Variants in ZBTB10 observed in about 807,000 individuals in gnomAD.
The protein encoded by ZBTB10 is zinc finger and BTB domain containing 10.
Under a neutral mutation model 76.4 loss-of-function variants are expected in ZBTB10, and 32 were observed. That is an observed-to-expected ratio of 0.42 (90% CI 0.32 to 0.56). The LOEUF (loss-of-function observed/expected upper bound fraction) is 0.56. Among genes scored for constraint, ZBTB10 ranks in the 20% least tolerant of loss-of-function variants. The pLI is 0.14. For missense variants in ZBTB10, 1,057 were observed against 1,098.5 expected, an observed-to-expected ratio of 0.96 and a Z score of 0.53; for synonymous variants, 523 against 432.9, an observed-to-expected ratio of 1.21 and a Z score of -2.58.
chr8:80,514,902 C>G (rs1260331320), intron 3 of ZBTB10, among the ~76,000 whole-genome samples: 1 of 152,046 alleles, frequency 6.6e-6, no homozygotes, highest in African/African-American at 2.4e-5. Context: ...AAAGGAAAAC[C>G]CAGACATTGA....
chr8:80,490,815 AAC>A (rs1334228935), intron 1 of ZBTB10, among the ~76,000 whole-genome samples: 2 of 152,196 alleles, frequency 1.3e-5, no homozygotes, highest in Non-Finnish European at 2.9e-5. Flanking sequence ...GCCACATCTT[AAC>A]ACAGTCATGT....
At chr8:80,493,460 C>T (rs1225262595) in intron 1 of ZBTB10, among the ~76,000 whole-genome samples, 3 of 152,088 alleles carry the variant, frequency 2.0e-5, no homozygotes, top group African/African-American at 7.2e-5. Flanking sequence ...AATCTAGAGG[C>T]ACCTGCGTAG....
At chr8:80,491,663 T>C (rs1815634316) in intron 1 of ZBTB10, among the ~76,000 whole-genome samples, 1 of 152,194 alleles carries the variant, frequency 6.6e-6, no homozygotes, top group Non-Finnish European at 1.5e-5. Flanking sequence ...TAGTTTAATT[T>C]TGAGTAACAA....
upstream of ZBTB10, chr8:80,486,004 G>A (rs1196649148): frequency 4.4e-6 from 4 of 900,860 alleles, no homozygotes; most frequent in Admixed American, 1.2e-4. Context: ...CCCGCCGCCC[G>A]GCCTTTTGTC....
At position 80,524,676 on chromosome 8, in the gene ZBTB10, A is replaced by C. The variant is rs1271683138; in HGVS notation, c.*5148A>C. ...TAAAGGGGAGCCCACATAGCATTAT[A>C]ATGCCTAGTATCTTTAAACATGTAA... On this transcript the variant is annotated 3_prime_UTR_variant, in exon 6 of 6. Transcript: ENST00000455036. The C allele has an allele frequency of 2.6e-5, 4 of 152,094 alleles. No homozygotes were observed. Among genetic ancestry groups the C allele is most frequent in the Non-Finnish European group, 4.4e-5 (3 of 67,956 alleles). 9.4% of individuals were successfully genotyped at this position (152,094 alleles called of 1,614,324 possible).
chr8:80,486,564 G>T lies in ZBTB10; in HGVS notation c.-247G>T. On this transcript the variant is annotated 5_prime_UTR_variant, in exon 1 of 6. Coordinates refer to ENST00000455036, the MANE Select transcript of ZBTB10 (RefSeq NM_001105539.3). ...GACGCTGCCCGGAGCGCGGCGGGGC[G>T]GGGGTGGAGGACGAGAGAGCGGTCG... is the stretch of plus-strand genomic sequence containing the variant. 1 of 986,228 alleles carries T rather than the reference G, an allele frequency of 1.0e-6. No homozygotes were observed. The highest frequency in any genetic ancestry group is 6.1e-5 in the Admixed American group (1 of 16,308). The allele number at this position is 986,228 out of a possible 1,614,324, so 61.1% of individuals were successfully genotyped here. A position where few individuals can be genotyped will look rare whatever the true frequency, so the allele number is the denominator to read the frequency against.
intron 2 of ZBTB10, among the ~76,000 whole-genome samples, chr8:80,500,802 T>TAA (rs1378352187): frequency 2.0e-5 from 3 of 152,196 alleles, no homozygotes; most frequent in Non-Finnish European, 4.4e-5. Context: ...TGTTAAAACA[T>TAA]ATTTAAGTGT....
rs397891910 is a variant in ZBTB10 at position 80,497,683 on chromosome 8, C to CTTTTTTT, written c.973-1794_973-1788dup. ...AAACAGTTGAAGTGTGTCCTGGAAT[C>CTTTTTTT]TTTTTTTTTTTTTTTTTTTTTTTGA... On this transcript the variant is annotated intron_variant, in intron 1 of 5. Transcript: ENST00000455036. Among the ~76,000 whole-genome samples, 134 of 87,646 alleles carry CTTTTTTT rather than the reference C, an allele frequency of 1.5e-3. 2 individuals carry two copies. The highest frequency in any genetic ancestry group is 6.9e-3 in the Middle Eastern group (1 of 144). 57.5% of individuals were successfully genotyped at this position (87,646 alleles called of 152,430 possible). A position where few individuals can be genotyped will look rare whatever the true frequency, so the allele number is the denominator to read the frequency against.
At chr8:80,493,061 AAAAT>A (rs1410798698) in intron 1 of ZBTB10, among the ~76,000 whole-genome samples, 1 of 151,672 alleles carries the variant, frequency 6.6e-6, no homozygotes, top group Non-Finnish European at 1.5e-5. Context: ...TGAAAATACA[AAAAT>A]AAGCCAGGCG....
At chr8:80,506,163 A>G (rs1405248371) in intron 2 of ZBTB10, among the ~76,000 whole-genome samples, 3 of 151,978 alleles carry the variant, frequency 2.0e-5, no homozygotes, top group Non-Finnish European at 2.9e-5. Flanking sequence ...CAGCCTCCCT[A>G]ATGGGAAAGA....
Position 80,486,994 on chromosome 8 carries a change from G to C in ZBTB10, c.184G>C (p.Gly62Arg). The C allele has an allele frequency of 6.6e-7, 1 of 1,514,202 alleles. No homozygotes were observed. The highest frequency in any genetic ancestry group is 1.2e-5 in the South Asian group (1 of 81,984). The allele number at this position is 1,514,202 out of a possible 1,614,324, so 93.8% of individuals were successfully genotyped here. ...PPALQPPNGR[G>R]ADEEVELEGL... ...CGCGCTTCAGCCGCCTAATGGGCGGGGGGCCGACGAGGAAGTGGAATTGGA... is the reference window on the plus strand; with the variant it reads ...CGCGCTTCAGCCGCCTAATGGGCGGCGGGCCGACGAGGAAGTGGAATTGGA... Residue 62 changes from glycine to arginine, a missense_variant, in exon 1 of 6, where the codon GGG becomes CGG. By Grantham distance (125) the Gly-to-Arg change is moderately radical. This residue lies in a region of ZBTB10 where 556 missense variants were observed against 451.7 expected (regional missense o/e 1.23). Coordinates refer to ENST00000455036, the MANE Select transcript of ZBTB10 (RefSeq NM_001105539.3).
chr8:80,487,152 G>C lies in ZBTB10; in HGVS notation c.342G>C (p.Leu114=). 4 of 1,517,832 alleles carry C rather than the reference G, an allele frequency of 2.6e-6. No homozygotes were observed. Among genetic ancestry groups the C allele is most frequent in the South Asian group, 1.2e-5 (1 of 80,978 alleles). The allele number at this position is 1,517,832 out of a possible 1,614,324, so 94.0% of individuals were successfully genotyped here. Residue 114 remains leucine, a synonymous_variant, in exon 1 of 6, where the codon CTG becomes CTC. Transcript: ENST00000455036. ...TTGGCGGTGGCGCGGGGGGCCCCCTGCTAGCGGAAAGGAACCGTCGGACTC... is the reference window on the plus strand; with the variant it reads ...TTGGCGGTGGCGCGGGGGGCCCCCTCCTAGCGGAAAGGAACCGTCGGACTC... The part of the protein sequence containing the change: ...TSLGGGAGGP[L]LAERNRRTLA...
rs1816439669 is a variant in ZBTB10, at chr8:80,521,108, G to GT, written c.*1586dup. On this transcript the variant is annotated 3_prime_UTR_variant, in exon 6 of 6. Transcript: ENST00000455036. The stretch of plus-strand genomic sequence containing the variant: ...ATCTGATCAAAGTTGAAAAGTTGAT[G>GT]TTTTTTAAGAGACAAGCTTTATCAT... 6.6e-6 allele frequency: 1 copy of GT among 151,828 alleles called. No individual in the cohort carries two copies. Among genetic ancestry groups the GT allele is most frequent in the Non-Finnish European group, 1.5e-5 (1 of 67,794 alleles). 9.4% of individuals were successfully genotyped at this position (151,828 alleles called of 1,614,324 possible).
chr8:80,523,741 T>C lies in ZBTB10; in HGVS notation c.*4213T>C, dbSNP rs1198119821. ...TTTCTAGCCCTAAATTTTATGACATTGGGTACTTAAATTTGGAGTACACTA... is the reference window on the plus strand; with the variant it reads ...TTTCTAGCCCTAAATTTTATGACATCGGGTACTTAAATTTGGAGTACACTA... On this transcript the variant is annotated 3_prime_UTR_variant, in exon 6 of 6. Coordinates refer to ENST00000455036, the MANE Select transcript of ZBTB10 (RefSeq NM_001105539.3). The C allele has an allele frequency of 6.6e-6, 1 of 151,964 alleles. No homozygotes were observed. Among genetic ancestry groups the C allele is most frequent in the Non-Finnish European group, 1.5e-5 (1 of 67,868 alleles). 9.4% of individuals were successfully genotyped at this position (151,964 alleles called of 1,614,324 possible).
intron 1 of ZBTB10, among the ~76,000 whole-genome samples, chr8:80,495,823 A>T (rs1815769200): frequency 6.6e-6 from 1 of 152,212 alleles, no homozygotes; most frequent in African/African-American, 2.4e-5. Flanking sequence ...ACACTTACCT[A>T]TATTTTCTAA....
At chr8:80,496,942 G>C (rs1409982995) in intron 1 of ZBTB10, among the ~76,000 whole-genome samples, 1 of 152,164 alleles carries the variant, frequency 6.6e-6, no homozygotes, top group Non-Finnish European at 1.5e-5. Context: ...CTTGGGTTCA[G>C]GTACAGCTTG....
At position 80,500,116 on chromosome 8, in the gene ZBTB10, A is replaced by G. The variant is rs1314320539; in HGVS notation, c.1595A>G (p.Gln532Arg). 8 of 1,613,974 alleles carry G rather than the reference A, an allele frequency of 5.0e-6. No homozygotes were observed. Among genetic ancestry groups the G allele is most frequent in the Middle Eastern group, 3.3e-4 (2 of 6,062 alleles). ...NVDEGQIENYQMNDSSWVQDG... is the reference protein window; with the variant it reads ...NVDEGQIENYRMNDSSWVQDG... ...GACGAGGGCCAAATAGAAAACTACC[A>G]AATGAATGACAGTAGTTGGGTCCAG... The change falls in exon 2 of 6, where the codon CAA (glutamine) becomes CGA (arginine). Residue 532 changes from glutamine to arginine, a missense_variant. Gln to Arg is a conservative substitution (Grantham distance 43, BLOSUM62 1). Transcript: ENST00000455036.
chr8:80,519,125 A>G lies in ZBTB10; in HGVS notation c.2311-98A>G, dbSNP rs1254331348. 2.1e-6 allele frequency: 3 copies of G among 1,423,102 alleles called. No individual in the cohort carries two copies. The African/African-American group carries it at 4.3e-5, about 21-fold the overall frequency. 88.2% of individuals were successfully genotyped at this position (1,423,102 alleles called of 1,614,324 possible). A position where few individuals can be genotyped will look rare whatever the true frequency, so the allele number is the denominator to read the frequency against. ...GAGCTTTTTACAGAGAAACTGGTGT[A>G]TTCACTCACTATTAAATGTGTGGTT... On this transcript the variant is annotated intron_variant, in intron 5 of 5. Coordinates refer to ENST00000455036, the MANE Select transcript of ZBTB10 (RefSeq NM_001105539.3).
At chr8:80,487,816 C>G (rs375554112) in intron 1 of ZBTB10, 34 bp downstream of exon 1, 2 of 1,519,708 alleles carry the variant, frequency 1.3e-6, no homozygotes, top group South Asian at 2.6e-5. Context: ...TTTTTGAGAT[C>G]TTTTAGGGAA....
Sources: allele counts gnomAD v4.1 joint callset (sites outside exome capture counted in the v4.1 genomes callset), GRCh38; gene constraint gnomAD v4.1.1; regional missense constraint gnomAD v4.1.1; transcripts MANE v1.5; gene names NCBI Gene and HGNC (gene_info 2026-07-23, HGNC 2026-07-21).